XPO5: variants seen among roughly 807,000 people sequenced by gnomAD.
XPO5 encodes exportin-5.
Under a neutral mutation model 160.6 loss-of-function variants are expected in XPO5, and 46 were observed. That is an observed-to-expected ratio of 0.29 (90% confidence interval 0.23 to 0.37). The LOEUF is 0.37. Among genes scored for constraint, XPO5 ranks in the 10% least tolerant of loss-of-function variants. XPO5 has a pLI of 1.00. For synonymous variants in XPO5, 537 were observed against 519.3 expected (o/e 1.03, Z -0.46); for missense variants, 1,090 against 1,463.9 (o/e 0.74, Z 4.17).
intron 23 of XPO5, chr6:43,529,182 A>G: frequency 6.8e-7 from 1 of 1,465,760 alleles, no homozygotes; most frequent in Non-Finnish European, 9.2e-7. Context: ...AAAAGTAGGA[A>G]TAAAAAAATA....
In XPO5 at chr6:43,530,030, G is replaced by A. The variant is rs554936590; in HGVS notation, c.2677+658C>T. 4.6e-5 allele frequency among the ~76,000 whole-genome samples: 7 copies of A among 152,250 alleles called. No individual in the cohort carries two copies. In the South Asian group the frequency reaches 6.2e-4, roughly 14 times the overall value. The stretch of plus-strand genomic sequence containing the variant: ...AGCACTTTGGGAGGCTGAGGCAGGC[G>A]GATTACTTGAGGTCAGGAGTTTGAG... On this transcript the variant is annotated intron_variant, in intron 23 of 31. Coordinates refer to ENST00000265351, the MANE Select transcript of XPO5 (RefSeq NM_020750.3).
Position 43,524,984 on chromosome 6 carries a change from T to G in XPO5, c.3175-16A>C. 1 of 1,611,650 alleles carries G rather than the reference T, an allele frequency of 6.2e-7. No individual in the cohort carries two copies. Among genetic ancestry groups the G allele is most frequent in the Non-Finnish European group, 8.5e-7 (1 of 1,179,238 alleles). On this transcript the variant is annotated splice_polypyrimidine_tract_variant and intron_variant, in intron 29 of 31. Transcript: ENST00000265351. ...CTGACAGCACCTGGGGAGACAACTG[T>G]GCTTTAGGGCCACAGGGGGCCTCTC...
In XPO5 at chr6:43,538,139, C is replaced by CTTTTTTTT. The variant is rs1160662301; in HGVS notation, c.2343-4140_2343-4133dup. ...TATAAATTTAGAGCCTAAGAGACAT[C>CTTTTTTTT]TTTTTTTTTTTTTTTTTTTTTTTTT... On this transcript the variant is annotated intron_variant, in intron 20 of 31. Coordinates refer to ENST00000265351, the MANE Select transcript of XPO5 (RefSeq NM_020750.3). 3.1e-3 allele frequency among the ~76,000 whole-genome samples: 151 copies of CTTTTTTTT among 48,942 alleles called. 12 individuals carry two copies. Among genetic ancestry groups the CTTTTTTTT allele is most frequent in the African/African-American group, 0.012 (146 of 12,114 alleles). The allele number at this position is 48,942 out of a possible 152,430, so 32.1% of individuals were successfully genotyped here.
intron 3 of XPO5, among the ~76,000 whole-genome samples, chr6:43,572,224 G>A (rs191584532): frequency 6.6e-6 from 1 of 152,296 alleles, no homozygotes; most frequent in East Asian, 1.9e-4. Flanking sequence ...CCACAGGCAT[G>A]CGCCACCACG....
rs1409197136 is a variant in XPO5, at chr6:43,522,645, G to C, written c.*1223C>G. 2.3e-6 allele frequency: 1 copy of C among 438,094 alleles called. No homozygotes were observed. Among genetic ancestry groups the C allele is most frequent in the Admixed American group, 2.3e-5 (1 of 43,422 alleles). 27.1% of individuals were successfully genotyped at this position (438,094 alleles called of 1,614,324 possible). On this transcript the variant is annotated 3_prime_UTR_variant, in exon 32 of 32. Transcript: ENST00000265351. Reference sequence around the variant, plus strand: ...CCCCAGCTTTGCTTCTTCTCAATCTGACCCTGCCTGTGGCCCGCACCAGCT... The same window carrying C: ...CCCCAGCTTTGCTTCTTCTCAATCTCACCCTGCCTGTGGCCCGCACCAGCT...
Position 43,575,782 on chromosome 6 carries a change from C to A in XPO5, c.83G>T (p.Arg28Leu). The change falls in exon 1 of 32, where the codon CGC becomes CTC. Residue 28 changes from arginine (R) to leucine (L), a missense_variant. Coordinates refer to ENST00000265351, the MANE Select transcript of XPO5 (RefSeq NM_020750.3). ...TACCTTGAGGGCTTCCAGCCGGTAG[C>A]GCTGGGTGGAGTTGGGGTCCATCAT... ...TVMMDPNSTQRYRLEALKFCE... is the reference protein window; with the variant it reads ...TVMMDPNSTQLYRLEALKFCE... 6.2e-7 allele frequency: 1 copy of A among 1,613,610 alleles called. No homozygotes were observed. The highest frequency in any genetic ancestry group is 1.3e-5 in the African/African-American group (1 of 75,042).
chr6:43,568,477 G>A (rs571530695), intron 6 of XPO5, among the ~76,000 whole-genome samples: 7 of 152,078 alleles, frequency 4.6e-5, no homozygotes, highest in African/African-American at 7.2e-5. Flanking sequence ...ATGGTGGTGC[G>A]CACCTATATT....
rs562406921 is a variant in XPO5, at chr6:43,539,638, G to A, written c.2343-5631C>T. On this transcript the variant is annotated intron_variant, in intron 20 of 31. Transcript: ENST00000265351. The stretch of plus-strand genomic sequence containing the variant: ...TGGCGAAACCTCTGCGGAAGCCACC[G>A]CGGTTCCCCATCCCAGGGCCACCAG... 1,675 of 1,321,324 alleles carry A rather than the reference G, an allele frequency of 1.3e-3. 2 individuals are homozygous for A. Among genetic ancestry groups the A allele is most frequent in the Non-Finnish European group, 1.6e-3 (1,491 of 949,836 alleles). The allele number at this position is 1,321,324 out of a possible 1,614,324, so 81.8% of individuals were successfully genotyped here.
At chr6:43,539,295 C>A (rs1388810665) in intron 20 of XPO5, 33 of 1,541,440 alleles carry the variant, frequency 2.1e-5, no homozygotes, top group Non-Finnish European at 2.6e-5. Flanking sequence ...CCCAGACCGA[C>A]GTGGCCACTG....
At chr6:43,564,278 C>A (rs1401626968) in intron 8 of XPO5, among the ~76,000 whole-genome samples, 1 of 152,080 alleles carries the variant, frequency 6.6e-6, no homozygotes, top group Non-Finnish European at 1.5e-5. Flanking sequence ...GCCTATAATC[C>A]CAGTACTTTG....
chr6:43,551,158 A>C, intron 15 of XPO5, 140 bp downstream of exon 15: 3 of 779,290 alleles, frequency 3.8e-6, no homozygotes, highest in Non-Finnish European at 5.7e-6. Context: ...CAGAAGGGTG[A>C]GGTGTGAGGA....
chr6:43,566,337 T>A lies in XPO5; in HGVS notation c.835-601A>T, dbSNP rs113249583. Reference sequence around the variant, plus strand: ...TGAACCCGGGAGGCAGAGGTTGCACTGAGCTGAGATTGCGCCACTGCACTC... The same window carrying A: ...TGAACCCGGGAGGCAGAGGTTGCACAGAGCTGAGATTGCGCCACTGCACTC... On this transcript the variant is annotated intron_variant, in intron 7 of 31. Coordinates refer to ENST00000265351, the MANE Select transcript of XPO5 (RefSeq NM_020750.3). 5.5e-3 allele frequency among the ~76,000 whole-genome samples: 831 copies of A among 152,164 alleles called. 9 individuals carry two copies. Among genetic ancestry groups the A allele is most frequent in the African/African-American group, 0.019 (771 of 41,494 alleles).
intron 26 of XPO5, chr6:43,527,383 T>C (rs1793663533): frequency 6.3e-6 from 2 of 318,532 alleles, no homozygotes; most frequent in Non-Finnish European, 1.2e-5. Context: ...GCGATTCTCC[T>C]ACCTCAGCCT....
chr6:43,537,467 G>C (rs965587260), intron 20 of XPO5, among the ~76,000 whole-genome samples: 1 of 152,080 alleles, frequency 6.6e-6, no homozygotes. Context: ...AAGCTTGGCC[G>C]GCAATATGGT....
chr6:43,549,103 G>C (rs1051167754), intron 17 of XPO5, among the ~76,000 whole-genome samples: 1 of 152,136 alleles, frequency 6.6e-6, no homozygotes, highest in African/African-American at 2.4e-5. Context: ...TTCGCTCGTT[G>C]CCCAGGCTGG....
chr6:43,538,945 G>A (rs911963996), intron 20 of XPO5: 18 of 1,331,626 alleles, frequency 1.4e-5, no homozygotes, highest in Admixed American at 5.1e-5. Flanking sequence ...TCCAGAGGTC[G>A]GGGGTCAGGT....
At chr6:43,559,699 T>C (rs1341054246) in intron 11 of XPO5, among the ~76,000 whole-genome samples, 1 of 152,230 alleles carries the variant, frequency 6.6e-6, no homozygotes, top group Non-Finnish European at 1.5e-5. Context: ...AGTACTCTCA[T>C]ATGGAAGAGC....
chr6:43,526,031 T>C, intron 27 of XPO5, 110 bp from the exon 28 acceptor site: 2 of 1,274,906 alleles, frequency 1.6e-6, no homozygotes, highest in Non-Finnish European at 1.1e-6. Flanking sequence ...CTAGGCTAAG[T>C]GGTGGCTAAG....
intron 3 of XPO5, among the ~76,000 whole-genome samples, 169 bp from the exon 4 acceptor site, chr6:43,571,163 A>G (rs2127756617): frequency 6.6e-6 from 1 of 152,348 alleles, no homozygotes; most frequent in Non-Finnish European, 1.5e-5. Flanking sequence ...CATTCTTGCT[A>G]ATCACTCTTC....
Sources: allele counts gnomAD v4.1 joint callset (sites outside exome capture counted in the v4.1 genomes callset), GRCh38; gene constraint gnomAD v4.1.1; transcripts MANE v1.5; gene names NCBI Gene and HGNC (gene_info 2026-07-23, HGNC 2026-07-21).